Variants in GRM8 observed in about 807,000 individuals in gnomAD.
GRM8 encodes the protein metabotropic glutamate receptor 8.
In GRM8, 47 loss-of-function variants were observed where a neutral mutation model predicts 87.2. The ratio of observed to expected loss-of-function variants is 0.54; its 90% CI spans 0.43 to 0.69. The LOEUF is 0.69. Ranked by LOEUF, GRM8 falls within the 30% of genes least tolerant of loss-of-function variation. The pLI is 0.00. For missense variants in GRM8, 1,019 were observed against 1,139.2 expected (o/e 0.89, Z 1.52); for synonymous variants, 396 against 404.5 (o/e 0.98, Z 0.25).
intron 8 of GRM8, among the ~76,000 whole-genome samples, chr7:126,552,019 T>C (rs1585031418): frequency 1.3e-5 from 2 of 152,266 alleles, no homozygotes; most frequent in Middle Eastern, 3.4e-3. Flanking sequence ...TCAATTTTTG[T>C]ATTCATCTTC....
intron 7 of GRM8, among the ~76,000 whole-genome samples, chr7:126,716,792 G>GA (rs1255336381): frequency 6.6e-6 from 1 of 152,152 alleles, no homozygotes; most frequent in Non-Finnish European, 1.5e-5. Flanking sequence ...TGAGGAGAGA[G>GA]AAAATGAAGA....
intron 6 of GRM8, among the ~76,000 whole-genome samples, chr7:126,848,517 C>T (rs1796911349): frequency 6.6e-6 from 1 of 151,900 alleles, no homozygotes; most frequent in African/African-American, 2.4e-5. Flanking sequence ...ATTAATGTGG[C>T]TGCTAGAAAA....
intron 3 of GRM8, among the ~76,000 whole-genome samples, chr7:126,912,548 C>T (rs563149645): frequency 1.3e-5 from 2 of 152,290 alleles, no homozygotes; most frequent in South Asian, 4.1e-4. Flanking sequence ...CTCTGGAGAA[C>T]CCTGACCAAT....
intron 2 of GRM8, chr7:127,229,310 G>A (rs1308186176): frequency 1.3e-5 from 2 of 152,212 alleles, no homozygotes; most frequent in African/African-American, 4.8e-5. Flanking sequence ...GGGGCATTCG[G>A]TAAAGGAGTG....
chr7:127,182,886 G>C (rs1794544166), intron 2 of GRM8, among the ~76,000 whole-genome samples: 1 of 151,528 alleles, frequency 6.6e-6, no homozygotes, highest in East Asian at 1.9e-4. Context: ...TGGACTTTGG[G>C]GACTTGGGGG....
At chr7:126,990,492 T>C (rs1237007583) in intron 3 of GRM8, among the ~76,000 whole-genome samples, 1 of 152,222 alleles carries the variant, frequency 6.6e-6, no homozygotes, top group Non-Finnish European at 1.5e-5. Flanking sequence ...GAACAGAGGA[T>C]TAAACAGGAT....
At chr7:126,481,331 A>G (rs1261391276) in intron 9 of GRM8, among the ~76,000 whole-genome samples, 2 of 152,114 alleles carry the variant, frequency 1.3e-5, no homozygotes, top group Non-Finnish European at 2.9e-5. Context: ...CTATTTGTAC[A>G]GTTACAAAAA....
intron 7 of GRM8, among the ~76,000 whole-genome samples, chr7:126,692,654 A>G (rs750551962): frequency 6.6e-6 from 1 of 152,188 alleles, no homozygotes; most frequent in Non-Finnish European, 1.5e-5. Flanking sequence ...CAAAGACTAC[A>G]TCTAATATTG....
Position 127,116,270 on chromosome 7 carries a change from A to T in GRM8, c.511-9558T>A, listed in dbSNP as rs527366746. 2.0e-5 allele frequency among the ~76,000 whole-genome samples: 3 copies of T among 152,360 alleles called. 1 individual carries two copies. The South Asian group carries it at 6.2e-4, about 32-fold the overall frequency. ...CAGTACTCTGTGATTCTAAAAAATT[A>T]TAATCAGTGCATATGCAAAATTACA... On this transcript the variant is annotated intron_variant, in intron 2 of 10. Coordinates refer to ENST00000339582, the MANE Select transcript of GRM8 (RefSeq NM_000845.3).
At chr7:127,004,085 G>C (rs991440263) in intron 3 of GRM8, among the ~76,000 whole-genome samples, 4 of 151,522 alleles carry the variant, frequency 2.6e-5, no homozygotes, top group African/African-American at 9.7e-5. Context: ...CAAACTAGGC[G>C]AATCCAATCA....
chr7:126,534,097 A>C (rs982350748), intron 8 of GRM8, among the ~76,000 whole-genome samples: 4 of 152,160 alleles, frequency 2.6e-5, no homozygotes, highest in African/African-American at 9.7e-5. Flanking sequence ...CAACTTGATG[A>C]GTGTCATTAG....
At chr7:126,714,239 C>A (rs1222252078) in intron 7 of GRM8, among the ~76,000 whole-genome samples, 1 of 149,920 alleles carries the variant, frequency 6.7e-6, no homozygotes, top group African/African-American at 2.4e-5. Context: ...GATCGTGCCA[C>A]TCTACTCCCG....
chr7:126,661,291 T>C (rs867259266), intron 7 of GRM8, among the ~76,000 whole-genome samples: 8 of 152,306 alleles, frequency 5.3e-5, no homozygotes, highest in Middle Eastern at 3.4e-3. Flanking sequence ...CCCATAAGTA[T>C]ATATACCTAC....
At chr7:127,227,437 A>T (rs1797409158) in intron 2 of GRM8, among the ~76,000 whole-genome samples, 1 of 152,252 alleles carries the variant, frequency 6.6e-6, no homozygotes, top group Admixed American at 6.5e-5. Flanking sequence ...AACGAGAAGC[A>T]AATGAAAAGC....
chr7:127,095,343 A>G (rs1376528275), intron 3 of GRM8, among the ~76,000 whole-genome samples: 2 of 152,168 alleles, frequency 1.3e-5, no homozygotes, highest in Non-Finnish European at 2.9e-5. Context: ...AGACCCAGGA[A>G]CTGAACAAAA....
chr7:126,984,031 CT>C (rs36020548), intron 3 of GRM8, among the ~76,000 whole-genome samples: 22,841 of 152,104 alleles, frequency 0.15, 1,972 homozygotes, highest in Non-Finnish European at 0.21. Flanking sequence ...AAGAAAATAT[CT>C]TCATTTTATT....
intron 2 of GRM8, among the ~76,000 whole-genome samples, chr7:127,239,435 C>A (rs550453534): frequency 1.3e-5 from 2 of 152,242 alleles, no homozygotes; most frequent in African/African-American, 2.4e-5. Context: ...GAATAACTAG[C>A]AATACATTAA....
chr7:126,593,042 T>C (rs907823975), intron 8 of GRM8, among the ~76,000 whole-genome samples: 3 of 152,088 alleles, frequency 2.0e-5, no homozygotes, highest in Admixed American at 1.3e-4. Flanking sequence ...CATTTGTGAA[T>C]AAACTTAACG....
chr7:127,170,505 A>G (rs542655631), intron 2 of GRM8, among the ~76,000 whole-genome samples: 1 of 152,320 alleles, frequency 6.6e-6, no homozygotes, highest in South Asian at 2.1e-4. Context: ...TACCCACAGG[A>G]AAAGAAGTCA....
Sources: gnomAD v4.1 joint callset for allele counts (sites outside exome capture counted in the v4.1 genomes callset) on GRCh38, gnomAD v4.1.1 for gene constraint, MANE v1.5 for transcripts, NCBI Gene and HGNC (gene_info 2026-07-23, HGNC 2026-07-21) for gene names.